Variants in HDAC9 observed in about 807,000 individuals in gnomAD.
The protein encoded by HDAC9 is MEF-2 interacting transcription repressor (MITR) protein.
In HDAC9, 41 loss-of-function variants were observed where a neutral mutation model predicts 139.4. That is an observed-to-expected ratio of 0.29 (90% CI 0.23 to 0.38). The LOEUF is 0.38. Among genes scored for constraint, HDAC9 ranks in the 10% least tolerant of loss-of-function variants. The pLI, the probability that HDAC9 is intolerant of heterozygous loss-of-function variation, is 1.00. For missense variants in HDAC9, 1,147 were observed against 1,297.0 expected (o/e 0.88, Z 1.78); for synonymous variants, 517 against 476.2 (o/e 1.09, Z -1.12).
chr7:18,588,942 A>G (rs375074689), intron 3 of HDAC9, among the ~76,000 whole-genome samples: 1 of 152,176 alleles, frequency 6.6e-6, no homozygotes, highest in African/African-American at 2.4e-5. Context: ...CAGATTAGGG[A>G]TGCCCAACCT....
intron 1 of HDAC9, among the ~76,000 whole-genome samples, chr7:18,122,397 A>G (rs1471835797): frequency 1.3e-5 from 2 of 152,168 alleles, no homozygotes; most frequent in East Asian, 3.9e-4. Flanking sequence ...ATGCTTTGGT[A>G]TGTAGTTGTC....
intron 2 of HDAC9, among the ~76,000 whole-genome samples, chr7:18,552,340 G>A (rs936826114): frequency 2.6e-5 from 4 of 151,596 alleles, no homozygotes; most frequent in African/African-American, 9.7e-5. Context: ...TTTTTGGTGT[G>A]TATTTATATT....
intron 1 of HDAC9, among the ~76,000 whole-genome samples, chr7:18,321,021 A>G (rs1246821813): frequency 3.3e-5 from 5 of 152,168 alleles, no homozygotes; most frequent in African/African-American, 4.8e-5. Context: ...AACATATGCA[A>G]TCGCCATTTT....
At position 18,758,107 on chromosome 7, in the gene HDAC9, T is replaced by C. The variant is rs138554649; in HGVS notation, c.2044-4050T>C. 1.1e-4 allele frequency among the ~76,000 whole-genome samples: 17 copies of C among 152,286 alleles called. 1 individual carries two copies. The East Asian group carries it at 3.3e-3, about 29-fold the overall frequency. ...TGAACACAGTCCTACATCACAAATT[T>C]CTTTATTAAGAAGGTGACAAAAGCT... On this transcript the variant is annotated intron_variant, in intron 14 of 25. Coordinates refer to ENST00000686413, the MANE Select transcript of HDAC9 (RefSeq NM_178425.4).
chr7:18,876,443 A>G (rs1342676112), intron 22 of HDAC9, among the ~76,000 whole-genome samples: 1 of 152,142 alleles, frequency 6.6e-6, no homozygotes, highest in East Asian at 1.9e-4. Flanking sequence ...GTGATATCAT[A>G]CTTTACCTTT....
intron 12 of HDAC9, among the ~76,000 whole-genome samples, chr7:18,698,024 G>A (rs879470906): frequency 4.6e-5 from 7 of 151,934 alleles, no homozygotes; most frequent in Admixed American, 2.0e-4. Flanking sequence ...AGGAGAAGAC[G>A]CATGAACAAA....
At chr7:18,610,742 C>T (rs957177391) in intron 6 of HDAC9, among the ~76,000 whole-genome samples, 18 of 152,156 alleles carry the variant, frequency 1.2e-4, no homozygotes, top group African/African-American at 4.3e-4. Flanking sequence ...CACAAGCCAT[C>T]GTAAGCACTT....
chr7:18,748,418 G>A (rs2129146725), intron 13 of HDAC9, among the ~76,000 whole-genome samples: 1 of 152,210 alleles, frequency 6.6e-6, no homozygotes, highest in South Asian at 2.1e-4. Context: ...CATCCATATT[G>A]GTTACATAAT....
chr7:18,655,082 G>A (rs1231625836), intron 11 of HDAC9, among the ~76,000 whole-genome samples: 1 of 152,150 alleles, frequency 6.6e-6, no homozygotes, highest in African/African-American at 2.4e-5. Flanking sequence ...CAACTGAAAT[G>A]CAAATGTTGG....
intron 25 of HDAC9, among the ~76,000 whole-genome samples, chr7:18,994,463 A>ACTCT (rs1183436988): frequency 4.6e-5 from 7 of 151,954 alleles, no homozygotes; most frequent in African/African-American, 1.7e-4. Context: ...CCACCTCTAA[A>ACTCT]CTCTCTCTCA....
chr7:18,746,470 A>G (rs1247557188), intron 13 of HDAC9, among the ~76,000 whole-genome samples: 1 of 152,234 alleles, frequency 6.6e-6, no homozygotes, highest in East Asian at 1.9e-4. Flanking sequence ...AAATGTAAAA[A>G]GAGGACTTTG....
At chr7:18,377,676 T>C (rs1785101515) in intron 1 of HDAC9, among the ~76,000 whole-genome samples, 1 of 152,176 alleles carries the variant, frequency 6.6e-6, no homozygotes, top group South Asian at 2.1e-4. Context: ...GTGTACTTTA[T>C]TCTTTCAGTA....
intron 7 of HDAC9, among the ~76,000 whole-genome samples, chr7:18,633,730 T>G (rs1436395491): frequency 6.6e-6 from 1 of 151,762 alleles, no homozygotes; most frequent in Non-Finnish European, 1.5e-5. Context: ...GTGTAGAAGG[T>G]GGTAGGGAAT....
At chr7:18,778,790 T>G (rs1264591522) in intron 16 of HDAC9, among the ~76,000 whole-genome samples, 1 of 152,130 alleles carries the variant, frequency 6.6e-6, no homozygotes, top group East Asian at 1.9e-4. Context: ...GCAAACATAT[T>G]CCTCTCCTTA....
intron 12 of HDAC9, among the ~76,000 whole-genome samples, chr7:18,692,469 T>C (rs1782740829): frequency 6.6e-6 from 1 of 152,148 alleles, no homozygotes. Context: ...AATAAGCTTT[T>C]AACTCCTCAT....
chr7:18,245,766 T>C (rs186295657), intron 2 of HDAC9, among the ~76,000 whole-genome samples: 1 of 152,222 alleles, frequency 6.6e-6, no homozygotes, highest in Non-Finnish European at 1.5e-5. Context: ...CTCCACAAAG[T>C]CCCTCCTGTA....
rs530237309 is a variant in HDAC9 at position 18,401,437 on chromosome 7, C to T, written c.-41-94825C>T. On this transcript the variant is annotated intron_variant, in intron 1 of 3. Transcript: ENST00000413509. Reference sequence around the variant, plus strand: ...GGGGTGGCCATATTCTGCAAAACACCGCATTCTTCTGGGAGCTTTGCACTT... The same window carrying T: ...GGGGTGGCCATATTCTGCAAAACACTGCATTCTTCTGGGAGCTTTGCACTT... Among the ~76,000 whole-genome samples the T allele has an allele frequency of 4.4e-4, 67 of 152,214 alleles. No homozygotes were observed. In the South Asian group the frequency reaches 7.0e-3, roughly 16 times the overall value.
At chr7:18,813,934 G>A (rs1260866597) in intron 17 of HDAC9, among the ~76,000 whole-genome samples, 1 of 152,152 alleles carries the variant, frequency 6.6e-6, no homozygotes, top group Non-Finnish European at 1.5e-5. Context: ...TAGGATGTTA[G>A]TCCCTCCGTC....
At chr7:18,879,988 G>A (rs763844106) in intron 22 of HDAC9, among the ~76,000 whole-genome samples, 2 of 152,082 alleles carry the variant, frequency 1.3e-5, no homozygotes, top group Non-Finnish European at 2.9e-5. Context: ...CCATTAAAAC[G>A]TGGGGAAAGG....
Sources: allele counts gnomAD v4.1 joint callset (sites outside exome capture counted in the v4.1 genomes callset), GRCh38; gene constraint gnomAD v4.1.1; transcripts MANE v1.5; gene names NCBI Gene and HGNC (gene_info 2026-07-23, HGNC 2026-07-21).